Variants in IQSEC1 observed in about 807,000 individuals in gnomAD.
The protein encoded by IQSEC1 is IQ motif and SEC7 domain-containing protein 1.
A neutral mutation model predicts 91.0 loss-of-function variants in IQSEC1; 31 were observed. The observed-to-expected ratio is 0.34, with a 90% CI of 0.26 to 0.46. The LOEUF (loss-of-function observed/expected upper bound fraction) is 0.46, where lower values mean the gene tolerates loss of function less well. IQSEC1 is among the 20% of genes least tolerant of loss of function. The pLI, the probability that IQSEC1 is intolerant of heterozygous loss-of-function variation, is 1.00. For synonymous variants in IQSEC1, 699 were observed against 662.6 expected (o/e 1.05, Z -0.84); for missense variants, 1,388 against 1,575.6 (o/e 0.88, Z 2.02).
chr3:12,956,811 G>C (rs1699938452), intron 1 of IQSEC1, among the ~76,000 whole-genome samples: 1 of 152,188 alleles, frequency 6.6e-6, no homozygotes, highest in Non-Finnish European at 1.5e-5. Context: ...CCTACTTCCA[G>C]GCTGAGTGGC....
chr3:13,197,383 G>A (rs1694154362), intron 1 of IQSEC1, among the ~76,000 whole-genome samples: 1 of 152,202 alleles, frequency 6.6e-6, no homozygotes. Context: ...GGCTGAGCTG[G>A]ACAGGCACTG....
intron 1 of IQSEC1, among the ~76,000 whole-genome samples, chr3:13,010,871 T>A (rs1392947902): frequency 6.6e-6 from 1 of 152,126 alleles, no homozygotes; most frequent in Admixed American, 6.6e-5. Flanking sequence ...CCAAGACTGC[T>A]GTTTCCCAAA....
chr3:13,167,208 C>T (rs17037802), intron 1 of IQSEC1, among the ~76,000 whole-genome samples: 11,913 of 152,152 alleles, frequency 0.078, 710 homozygotes, highest in African/African-American at 0.17. Flanking sequence ...GGATGATCCC[C>T]GATGCTTTTG....
chr3:13,240,038 C>T (rs1694995188), intron 1 of IQSEC1, among the ~76,000 whole-genome samples: 1 of 151,976 alleles, frequency 6.6e-6, no homozygotes, highest in Non-Finnish European at 1.5e-5. Flanking sequence ...TTATGTTATG[C>T]ATATTTTGTA....
At chr3:13,012,559 C>T (rs1702931415) in intron 1 of IQSEC1, among the ~76,000 whole-genome samples, 1 of 152,216 alleles carries the variant, frequency 6.6e-6, no homozygotes, top group African/African-American at 2.4e-5. Context: ...CTGGGCCCTA[C>T]AGCTGGCCTG....
At chr3:13,191,387 C>G (rs1211068121) in intron 1 of IQSEC1, among the ~76,000 whole-genome samples, 2 of 151,814 alleles carry the variant, frequency 1.3e-5, no homozygotes, top group South Asian at 4.2e-4. Flanking sequence ...CCAGGGAAAA[C>G]CACAGCCGTG....
chr3:13,049,797 G>GTAT (rs1174958079), intron 1 of IQSEC1, among the ~76,000 whole-genome samples: 2 of 152,012 alleles, frequency 1.3e-5, no homozygotes, highest in Non-Finnish European at 2.9e-5. Context: ...CACTTCACAG[G>GTAT]TATTAACTCA....
intron 2 of IQSEC1, among the ~76,000 whole-genome samples, chr3:12,937,834 A>G (rs1314525085): frequency 6.6e-6 from 1 of 152,104 alleles, no homozygotes; most frequent in Non-Finnish European, 1.5e-5. Flanking sequence ...CTCAACACAT[A>G]CTCAAGAGGC....
intron 1 of IQSEC1, among the ~76,000 whole-genome samples, chr3:12,965,317 G>C (rs1459304804): frequency 1.3e-5 from 2 of 152,248 alleles, no homozygotes; most frequent in African/African-American, 2.4e-5. Flanking sequence ...GTCCCCTGAG[G>C]TTTCTGGACC....
At chr3:13,258,555 A>T (rs1695330183) in intron 1 of IQSEC1, among the ~76,000 whole-genome samples, 1 of 152,020 alleles carries the variant, frequency 6.6e-6, no homozygotes, top group African/African-American at 2.4e-5. Context: ...ACATGGTGGT[A>T]TGTGCCTGTA....
At chr3:13,248,103 G>T (rs1695137862) in intron 1 of IQSEC1, among the ~76,000 whole-genome samples, 1 of 152,178 alleles carries the variant, frequency 6.6e-6, no homozygotes, top group African/African-American at 2.4e-5. Context: ...ACCCTCAGAG[G>T]GCTGCAAAGC....
intron 1 of IQSEC1, among the ~76,000 whole-genome samples, chr3:13,017,270 A>C (rs1559721837): frequency 6.6e-6 from 1 of 152,018 alleles, no homozygotes; most frequent in East Asian, 1.9e-4. Flanking sequence ...TTTTCTCTTT[A>C]TCATTTCTCT....
intron 2 of IQSEC1, among the ~76,000 whole-genome samples, chr3:13,141,989 A>G (rs1414492003): frequency 6.6e-6 from 1 of 152,206 alleles, no homozygotes; most frequent in African/African-American, 2.4e-5. Flanking sequence ...AGGAACTTAT[A>G]GCCTGGGGTT....
chr3:13,280,611 C>T (rs1157332544), intron 1 of IQSEC1, among the ~76,000 whole-genome samples: 1 of 152,212 alleles, frequency 6.6e-6, no homozygotes, highest in Admixed American at 6.5e-5. Flanking sequence ...CACACCAAGA[C>T]TCCCCACAGC....
At chr3:13,213,003 TC>T (rs920371377) in intron 1 of IQSEC1, among the ~76,000 whole-genome samples, 1 of 152,268 alleles carries the variant, frequency 6.6e-6, no homozygotes, top group Admixed American at 6.5e-5. Context: ...TCTGTAGTTG[TC>T]TTTTCACTTT....
intron 12 of IQSEC1, among the ~76,000 whole-genome samples, chr3:12,903,207 G>A (rs1406229714): frequency 6.6e-6 from 1 of 152,258 alleles, no homozygotes; most frequent in East Asian, 1.9e-4. Context: ...GGAGGGGTGA[G>A]GGCAGCTTCC....
At chr3:13,238,035 G>A (rs760309607) in intron 1 of IQSEC1, among the ~76,000 whole-genome samples, 29 of 152,210 alleles carry the variant, frequency 1.9e-4, no homozygotes, top group South Asian at 4.1e-4. Context: ...GGCACTGACC[G>A]CTGAGCATCC....
At chr3:13,235,942 G>A (rs537107430) in intron 1 of IQSEC1, among the ~76,000 whole-genome samples, 3 of 152,276 alleles carry the variant, frequency 2.0e-5, no homozygotes, top group East Asian at 1.9e-4. Flanking sequence ...TTCTGGTCCC[G>A]TTCCTGGTCC....
chr3:13,277,392 T>C (rs1312466890), intron 1 of IQSEC1, among the ~76,000 whole-genome samples: 1 of 152,234 alleles, frequency 6.6e-6, no homozygotes, highest in East Asian at 1.9e-4. Context: ...CCCGACTTTA[T>C]TTCGCACACA....
Sources: gnomAD v4.1 joint callset for allele counts (sites outside exome capture counted in the v4.1 genomes callset) on GRCh38, gnomAD v4.1.1 for gene constraint, MANE v1.5 for transcripts, NCBI Gene and HGNC (gene_info 2026-07-23, HGNC 2026-07-21) for gene names.